Variants in NAV2 observed in about 807,000 individuals in gnomAD.
NAV2 encodes the protein neuron navigator 2.
NAV2 carries 54 observed loss-of-function variants against 223.2 expected under a neutral mutation model. That is an observed-to-expected ratio of 0.24 (90% CI 0.19 to 0.30). The LOEUF is 0.30. Among genes scored for constraint, NAV2 ranks in the 10% least tolerant of loss-of-function variants. The pLI is 1.00. For missense variants in NAV2, 2,806 were observed against 3,147.5 expected, an observed-to-expected ratio of 0.89 and a Z score of 2.60; for synonymous variants, 1,279 against 1,239.3, an observed-to-expected ratio of 1.03 and a Z score of -0.67.
intron 12 of NAV2, among the ~76,000 whole-genome samples, chr11:20,039,887 A>T (rs4757883): frequency 0.37 from 56,735 of 152,186 alleles, 11,101 homozygotes; most frequent in Non-Finnish European, 0.44. Flanking sequence ...TGTGGCCTTG[A>T]GTGACCCTAG....
In NAV2 at chr11:19,430,047, A is replaced by G. The variant is rs184726114; in HGVS notation, c.75+79020A>G. On this transcript the variant is annotated intron_variant, in intron 1 of 37. Transcript: ENST00000360655. ...AACTTTATCCCTCTCATCAGCTCAA[A>G]CCTGGTCTAGAGTTCAGGGAGCAAT... is the stretch of plus-strand genomic sequence containing the variant. 5.3e-4 allele frequency among the ~76,000 whole-genome samples: 81 copies of G among 152,304 alleles called. No individual in the cohort carries two copies. The East Asian group carries it at 6.6e-3, about 12-fold the overall frequency.
chr11:20,094,378 T>C (rs1032947057), intron 29 of NAV2, among the ~76,000 whole-genome samples: 1 of 151,870 alleles, frequency 6.6e-6, no homozygotes, highest in Non-Finnish European at 1.5e-5. Flanking sequence ...TATAGGTACC[T>C]GCCACCATGC....
At chr11:20,085,802 GGA>G (rs1176771865) in intron 26 of NAV2, among the ~76,000 whole-genome samples, 1 of 152,190 alleles carries the variant, frequency 6.6e-6, no homozygotes, top group Non-Finnish European at 1.5e-5. Context: ...AGAGTGCAGA[GGA>G]ACCTGCAGGA....
At position 20,120,636 on chromosome 11, in the gene NAV2, C is replaced by T. The variant is rs2063427701; in HGVS notation, c.*2378C>T. 1 of 136,356 alleles carries T rather than the reference C, an allele frequency of 7.3e-6. No individual in the cohort carries two copies. The highest frequency in any genetic ancestry group is 3.1e-5 in the African/African-American group (1 of 32,356). The allele number at this position is 136,356 out of a possible 1,614,324, so 8.4% of individuals were successfully genotyped here. The stretch of plus-strand genomic sequence containing the variant: ...TCCTCTCTTGTCATTCTCTTCTCCC[C>T]TTTCCCACAGACTTCCCTCCTGGGT... On this transcript the variant is annotated 3_prime_UTR_variant, in exon 38 of 38. Transcript: ENST00000349880.
rs1001690289 is a variant in NAV2, at chr11:20,090,973, T to C, written c.5607T>C (p.Ser1869=). ...LTDIRLEALS[S]AHQLDQLREA... ...ATATCCGCTTAGAAGCTCTCAGTTC[T>C]GCCCACCAGCTGGACCAGCTCCGGG... The change falls in exon 27 of 38, where the codon TCT becomes TCC. Residue 1869 remains serine, a synonymous_variant. Coordinates refer to ENST00000349880, the MANE Select transcript of NAV2 (RefSeq NM_145117.5). 1 of 1,613,924 alleles carries C rather than the reference T, an allele frequency of 6.2e-7. No homozygotes were observed. The highest frequency in any genetic ancestry group is 8.5e-7 in the Non-Finnish European group (1 of 1,179,878).
intron 26 of NAV2, among the ~76,000 whole-genome samples, chr11:20,084,533 C>T (rs955914658): frequency 6.6e-6 from 1 of 152,186 alleles, no homozygotes; most frequent in African/African-American, 2.4e-5. Flanking sequence ...GGGGTGTGTA[C>T]TTCCTACTGC....
intron 37 of NAV2, among the ~76,000 whole-genome samples, chr11:20,115,776 G>T (rs973224757): frequency 6.6e-6 from 1 of 152,094 alleles, no homozygotes; most frequent in Non-Finnish European, 1.5e-5. Context: ...AACTGGGCAT[G>T]GTGGCACATG....
intron 1 of NAV2, among the ~76,000 whole-genome samples, chr11:19,535,038 A>G (rs2044143377): frequency 6.6e-6 from 1 of 152,148 alleles, no homozygotes; most frequent in African/African-American, 2.4e-5. Context: ...TTAATAAATC[A>G]TTGCTATTCC....
intron 37 of NAV2, among the ~76,000 whole-genome samples, chr11:20,115,664 G>A (rs1393272694): frequency 1.4e-5 from 2 of 146,220 alleles, no homozygotes; most frequent in Non-Finnish European, 3.0e-5. Flanking sequence ...AAGCACCCGG[G>A]CTGGGTGTGG....
At chr11:20,056,010 C>T in intron 19 of NAV2, 53 bp downstream of exon 19, 2 of 1,540,910 alleles carry the variant, frequency 1.3e-6, no homozygotes, top group Non-Finnish European at 1.8e-6. Context: ...TCCCAGGTTA[C>T]TCAGTGTAGT....
chr11:20,095,248 G>A (rs895715794), intron 29 of NAV2, among the ~76,000 whole-genome samples: 24 of 152,116 alleles, frequency 1.6e-4, no homozygotes, highest in Non-Finnish European at 2.5e-4. Flanking sequence ...TATAAGTTAC[G>A]TACAGAATTG....
intron 11 of NAV2, among the ~76,000 whole-genome samples, chr11:19,989,513 T>G (rs532212754): frequency 6.6e-6 from 1 of 152,296 alleles, no homozygotes; most frequent in South Asian, 2.1e-4. Flanking sequence ...CTAATCAATT[T>G]TTTTTGTTTT....
At chr11:19,681,668 G>T (rs1300167271) in intron 1 of NAV2, among the ~76,000 whole-genome samples, 1 of 152,194 alleles carries the variant, frequency 6.6e-6, no homozygotes, top group Non-Finnish European at 1.5e-5. Context: ...GGGAGGATCT[G>T]GCCAGCCTTT....
chr11:19,854,028 T>C (rs895584344), intron 3 of NAV2, among the ~76,000 whole-genome samples: 1 of 152,058 alleles, frequency 6.6e-6, no homozygotes, highest in East Asian at 1.9e-4. Context: ...CTGACCGAGG[T>C]TGGGGCTGGG....
intron 3 of NAV2, among the ~76,000 whole-genome samples, chr11:19,867,988 C>A (rs1337784601): frequency 6.6e-6 from 1 of 151,974 alleles, no homozygotes; most frequent in African/African-American, 2.4e-5. Context: ...CACATGTATA[C>A]TGTGGAAGGC....
intron 8 of NAV2, among the ~76,000 whole-genome samples, chr11:19,943,488 A>C (rs956875781): frequency 1.3e-5 from 2 of 152,232 alleles, no homozygotes; most frequent in Non-Finnish European, 2.9e-5. Flanking sequence ...AATTTCCTCC[A>C]TGAAATCATG....
intron 1 of NAV2, among the ~76,000 whole-genome samples, chr11:19,628,077 G>A (rs1446792665): frequency 6.6e-6 from 1 of 152,154 alleles, no homozygotes; most frequent in Non-Finnish European, 1.5e-5. Flanking sequence ...TCACCACTGG[G>A]GAGAATCTCC....
intron 1 of NAV2, among the ~76,000 whole-genome samples, chr11:19,722,119 G>C (rs1237373985): frequency 6.6e-6 from 1 of 152,098 alleles, no homozygotes; most frequent in Non-Finnish European, 1.5e-5. Context: ...TGTTTCATGA[G>C]GTTTAAGTTC....
rs2049989425 is a variant in NAV2 at position 19,713,212 on chromosome 11, T to C, written c.-484T>C. 2 of 662,408 alleles carry C rather than the reference T, an allele frequency of 3.0e-6. No homozygotes were observed. The highest frequency in any genetic ancestry group is 1.4e-4 in the South Asian group (2 of 14,768). 41.0% of individuals were successfully genotyped at this position (662,408 alleles called of 1,614,324 possible). A position where few individuals can be genotyped will look rare whatever the true frequency, so the allele number is the denominator to read the frequency against. ...TTCCTTCGCTGCTGTCTCCTTTCCTTCCTTGGCTGCTCGCTCTTTCTCTCG... is the reference window on the plus strand; with the variant it reads ...TTCCTTCGCTGCTGTCTCCTTTCCTCCCTTGGCTGCTCGCTCTTTCTCTCG... On this transcript the variant is annotated 5_prime_UTR_variant, in exon 1 of 38. Transcript: ENST00000349880. The surrounding 1 kb of genome is among the most constrained non-coding windows in gnomAD (Gnocchi z 7.2).
Sources: allele counts gnomAD v4.1 joint callset (sites outside exome capture counted in the v4.1 genomes callset), GRCh38; gene constraint gnomAD v4.1.1; non-coding constraint Gnocchi (gnomAD v3.1); transcripts MANE v1.5; gene names NCBI Gene and HGNC (gene_info 2026-07-23, HGNC 2026-07-21).